The following KMT2E variants were observed in gnomAD, a reference collection of about 807,000 sequenced individuals.
KMT2E encodes the protein histone reader KMT2E.
A neutral mutation model predicts 184.6 loss-of-function variants in KMT2E; 30 were observed. The observed-to-expected ratio is 0.16, with a 90% CI of 0.12 to 0.22. The LOEUF is 0.22. Among genes scored for constraint, KMT2E ranks in the 10% least tolerant of loss-of-function variants. The pLI, the probability that KMT2E is intolerant of heterozygous loss-of-function variation, is 1.00. For missense variants in KMT2E, 2,023 were observed against 2,237.4 expected, an observed-to-expected ratio of 0.90 and a Z score of 1.93; for synonymous variants, 815 against 776.5, an observed-to-expected ratio of 1.05 and a Z score of -0.82.
intron 1 of KMT2E, among the ~76,000 whole-genome samples, chr7:105,035,226 G>T (rs1795593983): frequency 6.6e-6 from 1 of 151,488 alleles, no homozygotes; most frequent in Non-Finnish European, 1.5e-5. Context: ...TAGAGACGGG[G>T]TTTCACCGTG....
At chr7:105,048,209 T>C (rs1157063927) in intron 3 of KMT2E, among the ~76,000 whole-genome samples, 1 of 152,128 alleles carries the variant, frequency 6.6e-6, no homozygotes, top group Admixed American at 6.6e-5. Context: ...GCTAATTTTG[T>C]ATTTTTTTGT....
At chr7:105,105,046 G>A (rs1798836561) in intron 17 of KMT2E, 1 of 156,358 alleles carries the variant, frequency 6.4e-6, no homozygotes, top group Admixed American at 6.5e-5. Context: ...TGAGCGCCTT[G>A]TCCCAGCTAC....
intron 17 of KMT2E, chr7:105,103,768 G>GTATA (rs772110539): frequency 7.0e-6 from 1 of 143,426 alleles, no homozygotes; most frequent in African/African-American, 2.7e-5. Flanking sequence ...GTGTGTGTGT[G>GTATA]TGTATATATA....
At chr7:105,043,629 CAAATA>C (rs1358909960) in intron 3 of KMT2E, among the ~76,000 whole-genome samples, 2 of 152,082 alleles carry the variant, frequency 1.3e-5, no homozygotes, top group African/African-American at 4.8e-5. Context: ...TGGTATAAAA[CAAATA>C]AGATTTTAAA....
chr7:105,079,136 C>A (rs1440363254), intron 12 of KMT2E, among the ~76,000 whole-genome samples, 173 bp downstream of exon 12: 1 of 135,718 alleles, frequency 7.4e-6, no homozygotes, highest in African/African-American at 2.7e-5. Flanking sequence ...GCTATGAAGT[C>A]TTTTTTTTTT....
intron 4 of KMT2E, among the ~76,000 whole-genome samples, 156 bp from the exon 5 acceptor site, chr7:105,063,195 C>T (rs1796893199): frequency 6.6e-6 from 1 of 151,918 alleles, no homozygotes; most frequent in South Asian, 2.1e-4. Context: ...TAACTGGCTT[C>T]ACCAAGTCAT....
Position 105,040,609 on chromosome 7 carries a change from C to T in KMT2E, c.-114-230C>T, listed in dbSNP as rs556716754. Among the ~76,000 whole-genome samples the T allele has an allele frequency of 3.9e-5, 6 of 152,050 alleles. No individual in the cohort carries two copies. The South Asian group carries it at 8.3e-4, about 21-fold the overall frequency. On this transcript the variant is annotated intron_variant, in intron 2 of 26. Transcript: ENST00000311117. ...ATTTTTGGTTCTTCACTAAATATGC[C>T]GTAGTAATCTTCTTGTGGCATTCTA...
intron 18 of KMT2E, 28 bp downstream of exon 18, chr7:105,105,721 T>C (rs779492200): frequency 6.9e-6 from 11 of 1,585,728 alleles, no homozygotes; most frequent in South Asian, 4.7e-5. Flanking sequence ...AGTAAAAATG[T>C]AGAATGAGCC....
intron 3 of KMT2E, among the ~76,000 whole-genome samples, chr7:105,045,803 T>G (rs774788099): frequency 6.6e-6 from 1 of 152,240 alleles, no homozygotes; most frequent in Non-Finnish European, 1.5e-5. Context: ...CTTTTGGTTT[T>G]ATAGCTAGGA....
Position 105,101,485 on chromosome 7 carries a change from G to C in KMT2E, c.1783G>C (p.Glu595Gln). 1 of 1,585,226 alleles carries C rather than the reference G, an allele frequency of 6.3e-7. No homozygotes were observed. The highest frequency in any genetic ancestry group is 1.2e-5 in the South Asian group (1 of 85,616). Residue 595 changes from glutamate to glutamine, a missense_variant, in exon 16 of 27, where the codon GAG becomes CAG. Physicochemically the swap from Glu to Gln is conservative, Grantham distance 29. This residue lies in a region of KMT2E where 514 missense variants were observed against 621.8 expected (regional missense o/e 0.83). Coordinates refer to ENST00000311117, the MANE Select transcript of KMT2E (RefSeq NM_182931.3). ...AGCTTTTGCCAGACTTGAAAAGAGA[G>C]AGAAAAGAAGAGAACAAGCTTTGGA... is the stretch of plus-strand genomic sequence containing the variant. ...LQAFARLEKR[E>Q]KRREQALERI...
intron 14 of KMT2E, 83 bp downstream of exon 14, chr7:105,090,356 T>A: frequency 7.0e-7 from 1 of 1,425,764 alleles, no homozygotes; most frequent in Non-Finnish European, 9.5e-7. Context: ...GTTCTATGTA[T>A]AATTGTTTAA....
In KMT2E at chr7:105,078,166, C is replaced by T. The variant is rs77350666; in HGVS notation, c.1131-680C>T. Among the ~76,000 whole-genome samples the T allele has an allele frequency of 1.8e-3, 267 of 152,248 alleles. 2 individuals carry two copies. The highest frequency in any genetic ancestry group is 0.013 in the East Asian group (67 of 5,186). On this transcript the variant is annotated intron_variant, in intron 11 of 26. Transcript: ENST00000311117. ...ATTATGTAGCAGATTTGATCTGAAA[C>T]GGTATAAGACAGATACTTTTAAATG...
rs767912536 is a variant in KMT2E at position 105,076,815 on chromosome 7, C to G, written c.769-148C>G. ...TATTCCACATTTCTGGAAAAGAAAC[C>G]GTTAAACAGCAGTTTCTAGTTTATA... On this transcript the variant is annotated intron_variant, in intron 9 of 26. Transcript: ENST00000311117. 4 of 634,292 alleles carry G rather than the reference C, an allele frequency of 6.3e-6. No homozygotes were observed. The Admixed American group carries it at 8.3e-5, about 13-fold the overall frequency. 39.3% of individuals were successfully genotyped at this position (634,292 alleles called of 1,614,324 possible). A position where few individuals can be genotyped will look rare whatever the true frequency, so the allele number is the denominator to read the frequency against.
chr7:105,087,281 TATG>T (rs957750927), intron 13 of KMT2E, among the ~76,000 whole-genome samples: 8 of 116,664 alleles, frequency 6.9e-5, no homozygotes, highest in Non-Finnish European at 6.5e-5. Context: ...AATATATAAA[TATG>T]ATATAATATA....
chr7:105,088,372 C>T (rs572979869), intron 13 of KMT2E, among the ~76,000 whole-genome samples: 3 of 152,250 alleles, frequency 2.0e-5, no homozygotes, highest in South Asian at 2.1e-4. Context: ...ATTTGGGAGG[C>T]GGGAGGTAGG....
intron 1 of KMT2E, among the ~76,000 whole-genome samples, chr7:105,019,586 A>G (rs915357769): frequency 6.6e-6 from 1 of 152,208 alleles, no homozygotes; most frequent in Admixed American, 6.5e-5. Flanking sequence ...CTACTTGTTC[A>G]TCATTTTTAA....
chr7:105,107,306 TAAAC>T (rs1256242144), intron 21 of KMT2E, 52 bp from the exon 22 acceptor site: 4 of 1,520,170 alleles, frequency 2.6e-6, no homozygotes, highest in Admixed American at 2.2e-5. Context: ...AATTTTGAAA[TAAAC>T]AGTCCCAAGA....
At chr7:105,092,971 A>G (rs1034493345) in intron 15 of KMT2E, among the ~76,000 whole-genome samples, 5 of 152,114 alleles carry the variant, frequency 3.3e-5, no homozygotes, top group African/African-American at 1.2e-4. Context: ...AGGTGGGAAG[A>G]TCACTTCAGC....
intron 15 of KMT2E, among the ~76,000 whole-genome samples, chr7:105,096,851 C>T (rs1363027796): frequency 6.6e-6 from 1 of 152,180 alleles, no homozygotes; most frequent in African/African-American, 2.4e-5. Flanking sequence ...CGGCTTTCAT[C>T]CTTCACATCA....
Sources: allele counts gnomAD v4.1 joint callset (sites outside exome capture counted in the v4.1 genomes callset), GRCh38; gene constraint gnomAD v4.1.1; regional missense constraint gnomAD v4.1.1; transcripts MANE v1.5; gene names NCBI Gene and HGNC (gene_info 2026-07-23, HGNC 2026-07-21).